The following ZNF608 variants were observed in gnomAD, a reference collection of about 807,000 sequenced individuals.
ZNF608 encodes renal carcinoma antigen NY-REN-36.
In ZNF608, 12 loss-of-function variants were observed where a neutral mutation model predicts 109.0. The ratio of observed to expected loss-of-function variants is 0.11; its 90% confidence interval spans 0.07 to 0.18. The LOEUF (loss-of-function observed/expected upper bound fraction) is 0.18. ZNF608 is among the 10% of genes least tolerant of loss of function. The probability of loss-of-function intolerance (pLI) is 1.00; values close to 1 mark genes in which losing one functional copy is unlikely to be tolerated. For missense variants in ZNF608, 1,707 were observed against 1,879.3 expected, an observed-to-expected ratio of 0.91 and a Z score of 1.70; for synonymous variants, 732 against 717.4, an observed-to-expected ratio of 1.02 and a Z score of -0.33.
chr5:124,703,474 A>T (rs1260463265), intron 2 of ZNF608, among the ~76,000 whole-genome samples: 1 of 152,084 alleles, frequency 6.6e-6, no homozygotes, highest in African/African-American at 2.4e-5. Context: ...CAACTAGAAA[A>T]CACATTCCTG....
At chr5:124,663,583 G>C (rs980721203) in intron 3 of ZNF608, among the ~76,000 whole-genome samples, 1 of 152,200 alleles carries the variant, frequency 6.6e-6, no homozygotes, top group African/African-American at 2.4e-5. Context: ...CACAGCTTTT[G>C]ATTGAGAAAT....
At chr5:124,740,160 C>T (rs1398596432) in intron 2 of ZNF608, among the ~76,000 whole-genome samples, 2 of 152,154 alleles carry the variant, frequency 1.3e-5, no homozygotes, top group Non-Finnish European at 2.9e-5. Context: ...CTCTCTCCAG[C>T]AAAGCAAACG....
At chr5:124,677,572 T>C (rs1024877738) in intron 3 of ZNF608, among the ~76,000 whole-genome samples, 4 of 152,182 alleles carry the variant, frequency 2.6e-5, no homozygotes, top group South Asian at 4.1e-4. Context: ...AACTATTACA[T>C]ATCCGTGCAA....
intron 2 of ZNF608, among the ~76,000 whole-genome samples, chr5:124,734,374 A>T (rs1214476936): frequency 6.6e-6 from 1 of 152,218 alleles, no homozygotes; most frequent in Non-Finnish European, 1.5e-5. Flanking sequence ...TCTAATATTT[A>T]CATATAATCA....
intron 3 of ZNF608, among the ~76,000 whole-genome samples, chr5:124,682,205 TG>T (rs1752227724): frequency 6.6e-6 from 1 of 152,214 alleles, no homozygotes; most frequent in African/African-American, 2.4e-5. Flanking sequence ...CCCCAGTAGC[TG>T]GGCTTACAAG....
chr5:124,696,769 T>C (rs942460655), intron 3 of ZNF608, among the ~76,000 whole-genome samples: 2 of 152,218 alleles, frequency 1.3e-5, no homozygotes, highest in African/African-American at 4.8e-5. Context: ...CGGGTGTCCC[T>C]ATGTCCATTT....
intron 3 of ZNF608, among the ~76,000 whole-genome samples, chr5:124,672,599 G>A (rs12651944): frequency 0.14 from 20,657 of 152,186 alleles, 1,472 homozygotes; most frequent in East Asian, 0.2. Context: ...CAGATCTTCA[G>A]TATAGTTGTT....
At chr5:124,696,097 T>C (rs935444974) in intron 3 of ZNF608, among the ~76,000 whole-genome samples, 8 of 151,602 alleles carry the variant, frequency 5.3e-5, no homozygotes, top group African/African-American at 1.2e-4. Context: ...GGCAGGAGAA[T>C]TGCTTGAACC....
chr5:124,744,441 G>T lies in ZNF608; in HGVS notation c.549C>A (p.Ser183=). The T allele has an allele frequency of 6.2e-7, 1 of 1,614,244 alleles. No homozygotes were observed. Among genetic ancestry groups the T allele is most frequent in the Non-Finnish European group, 8.5e-7 (1 of 1,180,040 alleles). ...STSAATAGAG[S]CGKSKEEKPG... is the part of the protein sequence containing the mutation. ...GCTTCTCCTCTTTGCTTTTCCCACAGGAGCCTGCCCCCGCGGTGGCGGCAG... is the reference window on the plus strand; with the variant it reads ...GCTTCTCCTCTTTGCTTTTCCCACATGAGCCTGCCCCCGCGGTGGCGGCAG... The change falls in exon 2 of 10, where the codon TCC becomes TCA. Residue 183 remains serine, a synonymous_variant. Coordinates refer to ENST00000513986, the MANE Select transcript of ZNF608 (RefSeq NM_020747.3). The surrounding 1 kb of genome is among the most constrained non-coding windows in gnomAD (Gnocchi z 4.5).
At chr5:124,733,406 G>A (rs1443932576) in intron 2 of ZNF608, among the ~76,000 whole-genome samples, 3 of 151,926 alleles carry the variant, frequency 2.0e-5, no homozygotes, top group Non-Finnish European at 4.4e-5. Flanking sequence ...GCACAATGAG[G>A]AGCTGTGTGT....
intron 3 of ZNF608, among the ~76,000 whole-genome samples, chr5:124,655,561 C>A (rs1750969446): frequency 6.6e-6 from 1 of 152,180 alleles, no homozygotes; most frequent in South Asian, 2.1e-4. Context: ...AAAGTTTACA[C>A]ATTTCTTTCC....
At chr5:124,713,052 C>T (rs1297940794) in intron 2 of ZNF608, among the ~76,000 whole-genome samples, 1 of 152,108 alleles carries the variant, frequency 6.6e-6, no homozygotes, top group Non-Finnish European at 1.5e-5. Context: ...AAACCTCTAT[C>T]CCCACCCACC....
rs369195333 is a variant in ZNF608, at chr5:124,637,877, G to T, written c.*23C>A. Reference sequence around the variant, plus strand: ...GCTTCCCCATGTGATCCAGTCACATGACAATGTACATGTCCAATCTTGTTA... The same window carrying T: ...GCTTCCCCATGTGATCCAGTCACATTACAATGTACATGTCCAATCTTGTTA... On this transcript the variant is annotated 3_prime_UTR_variant, in exon 10 of 10. Transcript: ENST00000513986. 6.2e-7 allele frequency: 1 copy of T among 1,607,316 alleles called. No individual in the cohort carries two copies. Among genetic ancestry groups the T allele is most frequent in the Non-Finnish European group, 8.5e-7 (1 of 1,177,078 alleles).
At chr5:124,691,105 T>C (rs759229116) in intron 3 of ZNF608, among the ~76,000 whole-genome samples, 5 of 152,102 alleles carry the variant, frequency 3.3e-5, no homozygotes, top group African/African-American at 4.8e-5. Flanking sequence ...CCGCACAACA[T>C]AGTGAGACCC....
At position 124,637,026 on chromosome 5, in the gene ZNF608, A is replaced by G. The variant is rs1750012226; in HGVS notation, c.*874T>C. 1 of 152,518 alleles carries G rather than the reference A, an allele frequency of 6.6e-6. No individual in the cohort carries two copies. Among genetic ancestry groups the G allele is most frequent in the South Asian group, 2.1e-4 (1 of 4,830 alleles). The allele number at this position is 152,518 out of a possible 1,614,324, so 9.4% of individuals were successfully genotyped here. ...TACATAAAATAAACTAGATTACAGCATAAAACAAGTAACCAGGCAATGGCG... is the reference window on the plus strand; with the variant it reads ...TACATAAAATAAACTAGATTACAGCGTAAAACAAGTAACCAGGCAATGGCG... On this transcript the variant is annotated 3_prime_UTR_variant, in exon 10 of 10. Transcript: ENST00000513986.
chr5:124,723,730 C>T lies in ZNF608; in HGVS notation c.906+20354G>A, dbSNP rs575708552. Among the ~76,000 whole-genome samples the T allele has an allele frequency of 7.9e-5, 12 of 151,824 alleles. No individual in the cohort carries two copies. The South Asian group carries it at 1.2e-3, about 16-fold the overall frequency. ...GACTATACAGTTTAAGATATTTGCA[C>T]GGAGTAGGGGGAGGAACAGCATAAA... On this transcript the variant is annotated intron_variant, in intron 2 of 9. Transcript: ENST00000513986.
intron 2 of ZNF608, chr5:124,710,442 G>A (rs1020835367): frequency 2.2e-5 from 8 of 355,864 alleles, no homozygotes; most frequent in Non-Finnish European, 4.4e-5. Context: ...CACTGTATGG[G>A]AGCTATGTGG....
intron 2 of ZNF608, among the ~76,000 whole-genome samples, chr5:124,714,547 T>C (rs1445891257): frequency 1.3e-5 from 2 of 152,208 alleles, no homozygotes; most frequent in Non-Finnish European, 2.9e-5. Flanking sequence ...CTTACTAGTA[T>C]AATCTTGAAA....
intron 3 of ZNF608, among the ~76,000 whole-genome samples, chr5:124,699,451 A>G (rs1457932594): frequency 6.6e-6 from 1 of 152,226 alleles, no homozygotes; most frequent in Non-Finnish European, 1.5e-5. Flanking sequence ...TTAAAAGTAC[A>G]AAATGAAAGA....
Sources: gnomAD v4.1 joint callset for allele counts (sites outside exome capture counted in the v4.1 genomes callset) on GRCh38, gnomAD v4.1.1 for gene constraint, Gnocchi (gnomAD v3.1) non-coding constraint, MANE v1.5 for transcripts, NCBI Gene and HGNC (gene_info 2026-07-23, HGNC 2026-07-21) for gene names.